LGSN: variants seen among roughly 807,000 people sequenced by gnomAD.
LGSN encodes the protein lengsin.
LGSN carries 21 observed loss-of-function variants against 19.5 expected under a neutral mutation model. The observed-to-expected ratio is 1.07, with a 90% CI of 0.76 to 1.55. The LOEUF is 1.55. Ranked by LOEUF, LGSN falls within the 40% of genes most tolerant of loss-of-function variation. The pLI is 0.00. For missense variants in LGSN, 673 were observed against 608.5 expected, an observed-to-expected ratio of 1.11 and a Z score of -1.12; for synonymous variants, 257 against 215.6, an observed-to-expected ratio of 1.19 and a Z score of -1.68.
At chr6:63,553,236 T>C in the LGSN span, among the ~76,000 whole-genome samples, 3 of 152,216 alleles carry the variant, frequency 2.0e-5, no homozygotes, top group Non-Finnish European at 2.9e-5. Flanking sequence ...AATCTGTTGA[T>C]GATGTCAAAG....
At chr6:63,311,789 A>C (rs146241151) in intron 1 of LGSN, among the ~76,000 whole-genome samples, 1 of 152,144 alleles carries the variant, frequency 6.6e-6, no homozygotes, top group African/African-American at 2.4e-5. Flanking sequence ...AGGTCCTCTT[A>C]TATATTATTA....
chr6:63,408,380 T>C, the LGSN span, among the ~76,000 whole-genome samples: 1 of 146,868 alleles, frequency 6.8e-6, no homozygotes, highest in African/African-American at 2.6e-5. Flanking sequence ...ACGCCACATA[T>C]CTACAACTAT....
At chr6:63,359,625 G>A in the LGSN span, among the ~76,000 whole-genome samples, 1 of 152,138 alleles carries the variant, frequency 6.6e-6, no homozygotes, top group Non-Finnish European at 1.5e-5. Flanking sequence ...TTGCATAGAG[G>A]TGTTTATAGT....
At chr6:63,424,942 A>C in the LGSN span, among the ~76,000 whole-genome samples, 1 of 147,194 alleles carries the variant, frequency 6.8e-6, no homozygotes, top group Non-Finnish European at 1.5e-5. Flanking sequence ...AAAATTCACC[A>C]GTAGAAAAAT....
At chr6:63,507,404 T>C in the LGSN span, among the ~76,000 whole-genome samples, 7 of 152,202 alleles carry the variant, frequency 4.6e-5, no homozygotes, top group African/African-American at 1.7e-4. Flanking sequence ...AATTCATTCA[T>C]ACCTTTTGAA....
the LGSN span, among the ~76,000 whole-genome samples, chr6:63,365,994 CA>C: frequency 7.0e-3 from 1,058 of 152,214 alleles, 19 homozygotes; most frequent in South Asian, 0.052. Flanking sequence ...ACTGAATGGA[CA>C]AAAACTGGAA....
chr6:63,428,934 A>G, the LGSN span, among the ~76,000 whole-genome samples: 1 of 152,046 alleles, frequency 6.6e-6, no homozygotes, highest in Non-Finnish European at 1.5e-5. Context: ...CTATAGTCCC[A>G]GCTACTCAGG....
chr6:63,439,792 G>T, the LGSN span, among the ~76,000 whole-genome samples: 2 of 152,150 alleles, frequency 1.3e-5, no homozygotes, highest in African/African-American at 2.4e-5. Context: ...TGCATCATTT[G>T]TCAAAGCTCT....
chr6:63,441,534 C>T, the LGSN span: 16 of 415,446 alleles, frequency 3.9e-5, no homozygotes, highest in Admixed American at 8.6e-5. Flanking sequence ...AGACAGACCA[C>T]AAGTGGGAGA....
intron 1 of LGSN, among the ~76,000 whole-genome samples, chr6:63,309,962 A>T (rs1768557599): frequency 6.6e-6 from 1 of 152,142 alleles, no homozygotes; most frequent in Non-Finnish European, 1.5e-5. Context: ...CTTTGCTGAA[A>T]ATACCTCCAC....
intron 1 of LGSN, among the ~76,000 whole-genome samples, chr6:63,315,486 GT>G (rs1768803603): frequency 6.6e-6 from 1 of 151,970 alleles, no homozygotes; most frequent in Non-Finnish European, 1.5e-5. Context: ...TTTCTTTAGG[GT>G]TTTTTCACAG....
the LGSN span, among the ~76,000 whole-genome samples, chr6:63,407,140 A>G: frequency 1.3e-5 from 2 of 151,926 alleles, no homozygotes; most frequent in Admixed American, 1.3e-4. Context: ...AACTATTCCA[A>G]TCAATAGAAA....
the LGSN span, among the ~76,000 whole-genome samples, chr6:63,379,186 T>C: frequency 9.2e-5 from 14 of 151,404 alleles, no homozygotes; most frequent in Admixed American, 3.3e-4. Flanking sequence ...TGCCCCCCCC[T>C]TTTTTTTAAA....
At chr6:63,418,353 G>C in the LGSN span, among the ~76,000 whole-genome samples, 1 of 152,100 alleles carries the variant, frequency 6.6e-6, no homozygotes, top group Non-Finnish European at 1.5e-5. Flanking sequence ...GCAAGGTCAA[G>C]AGATCGAGAC....
At chr6:63,370,252 G>C in the LGSN span, among the ~76,000 whole-genome samples, 13 of 152,186 alleles carry the variant, frequency 8.5e-5, no homozygotes, top group Admixed American at 2.0e-4. Context: ...GACAAGATGT[G>C]CTGGCATGGT....
the LGSN span, among the ~76,000 whole-genome samples, chr6:63,513,958 C>T: frequency 6.7e-6 from 1 of 148,280 alleles, no homozygotes; most frequent in Non-Finnish European, 1.5e-5. Context: ...AGACATTTTG[C>T]CTTTATTCCA....
chr6:63,474,384 G>A, the LGSN span, among the ~76,000 whole-genome samples: 5 of 152,074 alleles, frequency 3.3e-5, no homozygotes, highest in East Asian at 1.9e-4. Flanking sequence ...CAAGGTGGGC[G>A]GATCACGAGG....
the LGSN span, among the ~76,000 whole-genome samples, chr6:63,506,241 T>TTGG: frequency 3.9e-5 from 4 of 103,240 alleles, no homozygotes; most frequent in Middle Eastern, 4.4e-3. Context: ...CTTGTTGTTG[T>TTGG]TGGTGGTGGT....
At chr6:63,368,608 A>T in the LGSN span, among the ~76,000 whole-genome samples, 1 of 152,188 alleles carries the variant, frequency 6.6e-6, no homozygotes. Context: ...CACACGCAGC[A>T]TGTTGCCACT....
Sources: allele counts gnomAD v4.1 joint callset (sites outside exome capture counted in the v4.1 genomes callset), GRCh38; gene constraint gnomAD v4.1.1; transcripts MANE v1.5; gene names NCBI Gene and HGNC (gene_info 2026-07-23, HGNC 2026-07-21).